CUX2: variants seen among roughly 807,000 people sequenced by gnomAD.
CUX2 encodes cut like homeobox 2.
CUX2 carries 40 observed loss-of-function variants against 144.8 expected under a neutral mutation model. That is an observed-to-expected ratio of 0.28 (90% CI 0.21 to 0.36). The LOEUF (loss-of-function observed/expected upper bound fraction) is 0.36. Ranked by LOEUF, CUX2 falls within the 10% of genes least tolerant of loss-of-function variation. The pLI is 1.00. For missense variants in CUX2, 1,615 were observed against 1,994.0 expected, an observed-to-expected ratio of 0.81 and a Z score of 3.62; for synonymous variants, 827 against 875.6, an observed-to-expected ratio of 0.94 and a Z score of 0.98.
chr12:111,243,528 G>A lies in CUX2; in HGVS notation c.223-20233G>A, dbSNP rs796753921. Among the ~76,000 whole-genome samples the A allele has an allele frequency of 3.1e-3, 359 of 117,358 alleles. 1 individual carries two copies. Among genetic ancestry groups the A allele is most frequent in the African/African-American group, 0.013 (346 of 26,886 alleles). 77.0% of individuals were successfully genotyped at this position (117,358 alleles called of 152,430 possible). On this transcript the variant is annotated intron_variant, in intron 3 of 21. Transcript: ENST00000261726. ...TTTTTTTTTTTTTTTTTTTGAGACAGGGTCTCGCTCTGTTGCCCAGGCTGG... is the reference window on the plus strand; with the variant it reads ...TTTTTTTTTTTTTTTTTTTGAGACAAGGTCTCGCTCTGTTGCCCAGGCTGG...
At chr12:111,252,377 C>T (rs1290865920) in intron 3 of CUX2, among the ~76,000 whole-genome samples, 1 of 152,150 alleles carries the variant, frequency 6.6e-6, no homozygotes, top group Non-Finnish European at 1.5e-5. Flanking sequence ...AAACCAGAAC[C>T]CAGGTCTCCT....
intron 1 of CUX2, among the ~76,000 whole-genome samples, chr12:111,205,197 C>T (rs1017594658): frequency 1.3e-5 from 2 of 152,098 alleles, no homozygotes; most frequent in Non-Finnish European, 2.9e-5. Flanking sequence ...CCCTCCATCC[C>T]GGGTCATCCC....
intron 1 of CUX2, among the ~76,000 whole-genome samples, chr12:111,165,046 A>T (rs967258756): frequency 2.0e-5 from 3 of 152,222 alleles, no homozygotes; most frequent in African/African-American, 7.2e-5. Flanking sequence ...GGATCCAGCC[A>T]TACCTGAAGC....
Position 111,160,843 on chromosome 12 carries a change from C to G in CUX2, c.64-53357C>G, listed in dbSNP as rs138418941. On this transcript the variant is annotated intron_variant, in intron 1 of 21. Coordinates refer to ENST00000261726, the MANE Select transcript of CUX2 (RefSeq NM_015267.4). This position sits in a 1 kb window ranked among gnomAD's most constrained non-coding sequence, Gnocchi z 4.1. ...GTCGGGATGGAATGAATGAAGATGACTCCCGGGCTCCTGGCCTGAACAGCT... is the reference window on the plus strand; with the variant it reads ...GTCGGGATGGAATGAATGAAGATGAGTCCCGGGCTCCTGGCCTGAACAGCT... 6.6e-5 allele frequency among the ~76,000 whole-genome samples: 10 copies of G among 152,296 alleles called. No individual in the cohort carries two copies. The East Asian group carries it at 1.7e-3, about 26-fold the overall frequency.
At chr12:111,041,061 G>A (rs888699029) in intron 1 of CUX2, among the ~76,000 whole-genome samples, 25 of 152,218 alleles carry the variant, frequency 1.6e-4, no homozygotes, top group African/African-American at 6.0e-4. Flanking sequence ...AGAGAAGCAT[G>A]AAGAGTCAGA....
At chr12:111,223,409 C>T (rs1881955889) in intron 3 of CUX2, among the ~76,000 whole-genome samples, 1 of 152,178 alleles carries the variant, frequency 6.6e-6, no homozygotes, top group Non-Finnish European at 1.5e-5. Flanking sequence ...ATCCCATGCA[C>T]ATCTGCCGTG....
intron 9 of CUX2, among the ~76,000 whole-genome samples, chr12:111,298,980 G>A (rs1157865206): frequency 1.3e-5 from 2 of 152,184 alleles, no homozygotes; most frequent in Non-Finnish European, 2.9e-5. Flanking sequence ...TGGGGCTCCC[G>A]CCTCCTGCCT....
chr12:111,268,267 C>T (rs1884477845), intron 4 of CUX2, among the ~76,000 whole-genome samples: 1 of 151,500 alleles, frequency 6.6e-6, no homozygotes, highest in African/African-American at 2.4e-5. Flanking sequence ...CTCTGTTTCC[C>T]AGGTTGAAGT....
chr12:111,123,956 G>T (rs1271847851), intron 1 of CUX2, among the ~76,000 whole-genome samples: 1 of 152,194 alleles, frequency 6.6e-6, no homozygotes, highest in Non-Finnish European at 1.5e-5. Context: ...TTGAACCCAG[G>T]TCTTCTGGCT....
At chr12:111,339,623 G>A (rs1888499546) in intron 20 of CUX2, 1 of 152,212 alleles carries the variant, frequency 6.6e-6, no homozygotes, top group South Asian at 2.1e-4. Context: ...ATTGAGCTGG[G>A]CACCCAGTCT....
intron 1 of CUX2, among the ~76,000 whole-genome samples, chr12:111,080,984 T>C (rs1225463682): frequency 1.3e-5 from 2 of 152,236 alleles, no homozygotes; most frequent in Admixed American, 1.3e-4. Flanking sequence ...GTCAGTGCTG[T>C]AACTGTCGGC....
At chr12:111,114,252 T>C (rs1432857646) in intron 1 of CUX2, among the ~76,000 whole-genome samples, 1 of 152,190 alleles carries the variant, frequency 6.6e-6, no homozygotes. Context: ...GCATTTGATA[T>C]TATCATTTTT....
intron 20 of CUX2, among the ~76,000 whole-genome samples, chr12:111,340,962 A>G (rs915709175): frequency 6.6e-6 from 1 of 152,228 alleles, no homozygotes; most frequent in Admixed American, 6.5e-5. Context: ...GTAGGGTGGA[A>G]GCATCAGGTT....
At chr12:111,230,166 A>G (rs1271365350) in intron 3 of CUX2, among the ~76,000 whole-genome samples, 1 of 143,074 alleles carries the variant, frequency 7.0e-6, no homozygotes, top group Non-Finnish European at 1.5e-5. Flanking sequence ...AAAAAGAGAG[A>G]CAGAGAAGGA....
rs1271343109 is a variant in CUX2, at chr12:111,320,748, C to T, written c.2739C>T (p.Gly913=). The T allele has an allele frequency of 6.3e-7, 1 of 1,578,190 alleles. No individual in the cohort carries two copies. Among genetic ancestry groups the T allele is most frequent in the Non-Finnish European group, 8.6e-7 (1 of 1,168,904 alleles). ...TCAAGGAGAAGCTGGCCAAGAACGGCATCTGCCAGAGGATCTTCGGGGAGA... is the reference window on the plus strand; with the variant it reads ...TCAAGGAGAAGCTGGCCAAGAACGGTATCTGCCAGAGGATCTTCGGGGAGA... ...RQVKEKLAKN[G]ICQRIFGEKV... The change falls in exon 17 of 22, where the codon GGC becomes GGT. Residue 913 remains glycine, a synonymous_variant. Transcript: ENST00000261726. This position sits in a 1 kb window ranked among gnomAD's most constrained non-coding sequence, Gnocchi z 8.1.
intron 1 of CUX2, among the ~76,000 whole-genome samples, chr12:111,156,132 G>C (rs1325721195): frequency 3.3e-5 from 5 of 152,130 alleles, no homozygotes; most frequent in Non-Finnish European, 7.4e-5. Flanking sequence ...CCAAATGAAT[G>C]TTTCTTTAAT....
In CUX2 at chr12:111,307,276, C is replaced by T. The variant is rs911820268; in HGVS notation, c.1109+19C>T. On this transcript the variant is annotated intron_variant, in intron 12 of 21. Coordinates refer to ENST00000261726, the MANE Select transcript of CUX2 (RefSeq NM_015267.4). This position sits in a 1 kb window ranked among gnomAD's most constrained non-coding sequence, Gnocchi z 4.1. ...AGCTGAGGTACCATGTGGGGTGGGG[C>T]TCCACAGACCCTCAGTGCTCTTCCC... 1.2e-6 allele frequency: 2 copies of T among 1,611,834 alleles called. No homozygotes were observed. The highest frequency in any genetic ancestry group is 1.3e-5 in the African/African-American group (1 of 74,910).
At chr12:111,075,548 C>T (rs761810743) in intron 1 of CUX2, among the ~76,000 whole-genome samples, 26 of 152,156 alleles carry the variant, frequency 1.7e-4, no homozygotes, top group Non-Finnish European at 2.5e-4. Flanking sequence ...GGGCAGCGTT[C>T]GGATGCGGAG....
chr12:111,293,679 G>T lies in CUX2; in HGVS notation c.560+110G>T. The T allele has an allele frequency of 7.1e-7, 1 of 1,409,874 alleles. No individual in the cohort carries two copies. Among genetic ancestry groups the T allele is most frequent in the South Asian group, 1.4e-5 (1 of 69,332 alleles). 87.3% of individuals were successfully genotyped at this position (1,409,874 alleles called of 1,614,324 possible). The stretch of plus-strand genomic sequence containing the variant: ...GTCTCCTACCAGAATCCAGATGCAG[G>T]CTGGAGACCGAGATGAGAAAGGGCC... On this transcript the variant is annotated intron_variant, in intron 6 of 21. Coordinates refer to ENST00000261726, the MANE Select transcript of CUX2 (RefSeq NM_015267.4). This position sits in a 1 kb window ranked among gnomAD's most constrained non-coding sequence, Gnocchi z 4.5.
Sources: gnomAD v4.1 joint callset for allele counts (sites outside exome capture counted in the v4.1 genomes callset) on GRCh38, gnomAD v4.1.1 for gene constraint, Gnocchi (gnomAD v3.1) non-coding constraint, MANE v1.5 for transcripts, NCBI Gene and HGNC (gene_info 2026-07-23, HGNC 2026-07-21) for gene names.